Variants in ZNF582 observed in about 807,000 individuals in gnomAD.
The protein encoded by ZNF582 is zinc finger protein 582.
In ZNF582, 14 loss-of-function variants were observed where a neutral mutation model predicts 12.3. The observed-to-expected ratio is 1.14, with a 90% CI of 0.75 to 1.78. The LOEUF is 1.78. Ranked by LOEUF, ZNF582 falls within the 40% of genes most tolerant of loss-of-function variation. The pLI is 0.00. For missense variants in ZNF582, 567 were observed against 616.5 expected, an observed-to-expected ratio of 0.92 and a Z score of 0.85; for synonymous variants, 210 against 207.2, an observed-to-expected ratio of 1.01 and a Z score of -0.11.
chr19:56,384,518 A>T (rs1434598740), exon 5 of ZNF582: 1 of 1,613,410 alleles, frequency 6.2e-7, no homozygotes, highest in Non-Finnish European at 8.5e-7. Context: ...TCTATAATGT[A>T]CTTTAAGATG....
chr19:56,393,518 G>C, exon 1 of ZNF582: 1 of 493,624 alleles, frequency 2.0e-6, no homozygotes, highest in Non-Finnish European at 4.0e-6. Context: ...CACGGTACCG[G>C]TGGATTCGCC....
chr19:56,388,841 C>T (rs1281976671), intron 4 of ZNF582, among the ~76,000 whole-genome samples: 1 of 152,118 alleles, frequency 6.6e-6, no homozygotes, highest in Non-Finnish European at 1.5e-5. Flanking sequence ...CCATGTTGGC[C>T]AGACTGGTCA....
chr19:56,389,403 T>C (rs1245317122), intron 4 of ZNF582, among the ~76,000 whole-genome samples: 1 of 152,190 alleles, frequency 6.6e-6, no homozygotes, highest in Non-Finnish European at 1.5e-5. Flanking sequence ...GAAGCCATTA[T>C]CCTAAGCAAA....
chr19:56,391,777 T>A (rs931160573), exon 2 of ZNF582: 1 of 1,614,208 alleles, frequency 6.2e-7, no homozygotes, highest in East Asian at 2.2e-5. Flanking sequence ...CAAGGGCTGA[T>A]AGGTCCTCCT....
At chr19:56,393,436 T>C in exon 1 of ZNF582, 1 of 542,476 alleles carries the variant, frequency 1.8e-6, no homozygotes, top group Non-Finnish European at 3.5e-6. Flanking sequence ...CTCCGGAACC[T>C]CTCACCTGCC....
At chr19:56,384,144 A>C in exon 5 of ZNF582, 1 of 1,612,972 alleles carries the variant, frequency 6.2e-7, no homozygotes, top group Non-Finnish European at 8.5e-7. Context: ...CATTCCTTAC[A>C]TTCATATGGC....
intron 4 of ZNF582, among the ~76,000 whole-genome samples, chr19:56,385,917 T>A (rs2041962613): frequency 6.6e-6 from 1 of 152,138 alleles, no homozygotes; most frequent in South Asian, 2.1e-4. Context: ...CACTCATTAA[T>A]AGCACATTTT....
chr19:56,383,105 C>T (rs998531832), exon 5 of ZNF582: 1 of 152,286 alleles, frequency 6.6e-6, no homozygotes, highest in East Asian at 1.9e-4. Flanking sequence ...TTCTCAGAGT[C>T]CAAGGCAAGA....
intron 4 of ZNF582, among the ~76,000 whole-genome samples, 173 bp from the exon 5 acceptor site, chr19:56,385,357 G>A (rs1198642718): frequency 3.3e-5 from 5 of 152,128 alleles, no homozygotes; most frequent in Admixed American, 6.6e-5. Flanking sequence ...TGAGATGAGG[G>A]AGGCAATAAG....
intron 4 of ZNF582, chr19:56,388,417 A>T (rs1490160319): frequency 1.3e-5 from 2 of 152,224 alleles, no homozygotes; most frequent in Non-Finnish European, 2.9e-5. Flanking sequence ...AAGTTTTTTT[A>T]AAAATCACTA....
intron 4 of ZNF582, among the ~76,000 whole-genome samples, chr19:56,386,024 C>T (rs181053480): frequency 2.0e-5 from 3 of 152,218 alleles, no homozygotes; most frequent in South Asian, 2.1e-4. Context: ...CGGAGATGGA[C>T]GGTGATGATG....
intron 4 of ZNF582, among the ~76,000 whole-genome samples, chr19:56,388,736 G>A (rs573849476): frequency 1.8e-4 from 27 of 152,168 alleles, no homozygotes; most frequent in Non-Finnish European, 3.5e-4. Flanking sequence ...GTGTTCAAGC[G>A]ATTCTCCTGC....
chr19:56,391,640 T>C (rs893290082), intron 2 of ZNF582, 104 bp downstream of exon 2: 5 of 999,974 alleles, frequency 5.0e-6, no homozygotes, highest in Non-Finnish European at 7.9e-6. Flanking sequence ...CTGGTCCTTT[T>C]ATTCCCTAAA....
chr19:56,387,202 A>G (rs1600327787), intron 4 of ZNF582, among the ~76,000 whole-genome samples: 1 of 152,308 alleles, frequency 6.6e-6, no homozygotes, highest in African/African-American at 2.4e-5. Flanking sequence ...TTGAGGGTGA[A>G]AGAGCAGGAG....
chr19:56,393,269 G>A (rs1407664386), exon 1 of ZNF582: 2 of 1,243,860 alleles, frequency 1.6e-6, no homozygotes, highest in South Asian at 1.3e-5. Context: ...GAAAGGGGGC[G>A]CCAGAAAGCG....
intron 4 of ZNF582, among the ~76,000 whole-genome samples, chr19:56,387,044 T>C (rs2041972506): frequency 6.6e-6 from 1 of 152,254 alleles, no homozygotes; most frequent in Non-Finnish European, 1.5e-5. Context: ...TTGAGACTTC[T>C]GGCTAAGGAT....
At position 56,391,860 on chromosome 19, in the gene ZNF582, G is replaced by A. The variant is rs532062016; in HGVS notation, c.-80-28C>T. ...GGGGGAGGAAAGAGCAAACATGAGA[G>A]GCTAGGCTTGCCTCACAGTTCCTAG... is the stretch of plus-strand genomic sequence containing the variant. On this transcript the variant is annotated intron_variant, in intron 1 of 4. Coordinates refer to ENST00000586929, the Ensembl canonical transcript of ZNF582. 1,343 of 1,596,802 alleles carry A rather than the reference G, an allele frequency of 8.4e-4. 2 individuals are homozygous for A. The highest frequency in any genetic ancestry group is 1.7e-3 in the Admixed American group (103 of 59,888).
intron 4 of ZNF582, 34 bp from the exon 5 acceptor site, chr19:56,385,218 C>CTT (rs35971666): frequency 1.4e-4 from 206 of 1,497,210 alleles, no homozygotes; most frequent in South Asian, 1.9e-4. Flanking sequence ...TGTTTGGCTT[C>CTT]TTTTTTTTTC....
At chr19:56,391,414 A>C (rs1270680168) in intron 2 of ZNF582, among the ~76,000 whole-genome samples, 2 of 152,158 alleles carry the variant, frequency 1.3e-5, no homozygotes, top group East Asian at 1.9e-4. Flanking sequence ...AAACCAACCA[A>C]CACCACCTCC....
Sources: gnomAD v4.1 joint callset for allele counts (sites outside exome capture counted in the v4.1 genomes callset) on GRCh38, gnomAD v4.1.1 for gene constraint, MANE v1.5 for transcripts, NCBI Gene and HGNC (gene_info 2026-07-23, HGNC 2026-07-21) for gene names.